Variants in CNOT4 observed in about 807,000 individuals in gnomAD.
CNOT4 encodes the protein CCR4-NOT transcription complex subunit 4, also known as CCR4-associated factor 4.
Under a neutral mutation model 73.8 loss-of-function variants are expected in CNOT4, and 8 were observed. The ratio of observed to expected loss-of-function variants is 0.11; its 90% CI spans 0.06 to 0.20. The LOEUF (loss-of-function observed/expected upper bound fraction) is 0.20, where lower values mean the gene tolerates loss of function less well. Ranked by LOEUF, CNOT4 falls within the 10% of genes least tolerant of loss-of-function variation. The pLI is 1.00. For synonymous variants in CNOT4, 293 were observed against 321.1 expected, an observed-to-expected ratio of 0.91 and a Z score of 0.94; for missense variants, 564 against 883.4, an observed-to-expected ratio of 0.64 and a Z score of 4.58.
At chr7:135,458,724 T>C (rs1238730145) in intron 1 of CNOT4, among the ~76,000 whole-genome samples, 4 of 152,134 alleles carry the variant, frequency 2.6e-5, no homozygotes, top group Non-Finnish European at 5.9e-5. Context: ...TCCTTATCTG[T>C]TCAAATTGTA....
intron 1 of CNOT4, among the ~76,000 whole-genome samples, chr7:135,483,330 T>A (rs551961060): frequency 6.7e-6 from 1 of 150,370 alleles, no homozygotes; most frequent in South Asian, 2.1e-4. Context: ...AGTTTAAGAC[T>A]TTGTCTCAAA....
intron 1 of CNOT4, among the ~76,000 whole-genome samples, chr7:135,454,877 G>A (rs570286092): frequency 6.6e-6 from 1 of 152,056 alleles, no homozygotes; most frequent in South Asian, 2.1e-4. Flanking sequence ...GAGTGACAGC[G>A]TCTCAAAATA....
chr7:135,398,324 A>C, intron 7 of CNOT4, 98 bp from the exon 8 acceptor site: 1 of 679,032 alleles, frequency 1.5e-6, no homozygotes, highest in South Asian at 1.7e-5. Flanking sequence ...ACACTTTACC[A>C]TCTTAACAAA....
intron 1 of CNOT4, chr7:135,444,501 C>T (rs1799695321): frequency 3.1e-5 from 28 of 895,222 alleles, no homozygotes; most frequent in Non-Finnish European, 3.6e-5. Context: ...CCAAGGAGGT[C>T]GAGCTCTGTT....
At position 135,363,999 on chromosome 7, in the gene CNOT4, G is replaced by A. The variant is rs1447420604; in HGVS notation, c.1695C>T (p.Pro565=). The change falls in exon 11 of 12, where the codon CCC becomes CCT. Residue 565 remains proline, a synonymous_variant. Transcript: ENST00000541284. This position sits in a 1 kb window ranked among gnomAD's most constrained non-coding sequence, Gnocchi z 4.3. ...EWQDGLRALL[P]NININFGGLP... ...GTCCACCAAAGTTGATGTTAATGTT[G>A]GGTAGAAGTGCCCTTAGCCCGTCCT... The A allele has an allele frequency of 6.3e-7, 1 of 1,598,170 alleles. No homozygotes were observed. Among genetic ancestry groups the A allele is most frequent in the Non-Finnish European group, 8.5e-7 (1 of 1,179,732 alleles).
chr7:135,457,350 AG>A (rs1165712882), intron 1 of CNOT4, among the ~76,000 whole-genome samples: 1 of 151,976 alleles, frequency 6.6e-6, no homozygotes, highest in African/African-American at 2.4e-5. Flanking sequence ...ATGTTATTTG[AG>A]GTTTAATTTT....
intron 1 of CNOT4, among the ~76,000 whole-genome samples, chr7:135,466,931 T>C (rs1345091750): frequency 6.6e-6 from 1 of 152,192 alleles, no homozygotes; most frequent in East Asian, 1.9e-4. Context: ...TCCATGACAT[T>C]CACACAACAA....
chr7:135,365,041 T>A (rs1326583475), intron 10 of CNOT4, among the ~76,000 whole-genome samples: 2 of 152,238 alleles, frequency 1.3e-5, no homozygotes, highest in African/African-American at 4.8e-5. Flanking sequence ...ATATTTCTGA[T>A]TCTACAGAAC....
chr7:135,422,630 T>C (rs1421459586), intron 2 of CNOT4, among the ~76,000 whole-genome samples: 1 of 152,176 alleles, frequency 6.6e-6, no homozygotes, highest in South Asian at 2.1e-4. Flanking sequence ...ATCTTGATAT[T>C]CCCTGCAGTG....
At chr7:135,497,752 C>G (rs1803680637) in intron 1 of CNOT4, among the ~76,000 whole-genome samples, 1 of 152,184 alleles carries the variant, frequency 6.6e-6, no homozygotes, top group Admixed American at 6.5e-5. Flanking sequence ...CATACAGGTT[C>G]ATTTTCCATT....
intron 5 of CNOT4, among the ~76,000 whole-genome samples, 200 bp from the exon 6 acceptor site, chr7:135,413,813 AG>A (rs1797705742): frequency 6.6e-6 from 1 of 152,088 alleles, no homozygotes; most frequent in South Asian, 2.1e-4. Flanking sequence ...GAAGAACTAA[AG>A]GAAACATCTG....
chr7:135,388,181 A>C (rs996838457), intron 10 of CNOT4: 4 of 985,222 alleles, frequency 4.1e-6, no homozygotes, highest in Non-Finnish European at 4.8e-6. Context: ...CATAATTAAC[A>C]ACCATTCAAA....
intron 1 of CNOT4, among the ~76,000 whole-genome samples, chr7:135,440,912 CAA>C (rs77371734): frequency 3.8e-5 from 4 of 104,976 alleles, no homozygotes; most frequent in Admixed American, 1.0e-4. Context: ...GACTCCGTCT[CAA>C]AAAAAAAAAA....
chr7:135,407,865 C>A (rs1585598123), intron 7 of CNOT4, among the ~76,000 whole-genome samples: 1 of 152,172 alleles, frequency 6.6e-6, no homozygotes, highest in Non-Finnish European at 1.5e-5. Context: ...TACTGATTTA[C>A]AAATTCAATG....
At chr7:135,426,460 G>A (rs933417536) in intron 2 of CNOT4, among the ~76,000 whole-genome samples, 13 of 151,966 alleles carry the variant, frequency 8.6e-5, no homozygotes, top group African/African-American at 2.2e-4. Context: ...AAAATTAGCC[G>A]GGTGTGGTGG....
intron 1 of CNOT4, among the ~76,000 whole-genome samples, chr7:135,490,849 G>A (rs1803063175): frequency 1.3e-5 from 2 of 152,212 alleles, no homozygotes; most frequent in South Asian, 4.1e-4. Flanking sequence ...AGAGGGCAAG[G>A]GTAGAAGCAG....
chr7:135,400,677 G>A (rs1796960353), intron 7 of CNOT4, among the ~76,000 whole-genome samples: 1 of 152,080 alleles, frequency 6.6e-6, no homozygotes, highest in African/African-American at 2.4e-5. Context: ...CCATCCAACT[G>A]CAATTTCCTA....
Position 135,482,482 on chromosome 7 carries a change from G to C in CNOT4, c.-93+27407C>G, listed in dbSNP as rs115570469. ...AAAGTGAAAGGATCGCTTGGACCTGGGAGGTGGAGCAATGAGCTGTGATCA... is the reference window on the plus strand; with the variant it reads ...AAAGTGAAAGGATCGCTTGGACCTGCGAGGTGGAGCAATGAGCTGTGATCA... On this transcript the variant is annotated intron_variant, in intron 1 of 11. Coordinates refer to ENST00000541284, the MANE Select transcript of CNOT4 (RefSeq NM_001190850.2). Among the ~76,000 whole-genome samples, 1,492 of 152,120 alleles carry C rather than the reference G, an allele frequency of 9.8e-3. 25 individuals are homozygous for C. Among genetic ancestry groups the C allele is most frequent in the African/African-American group, 0.034 (1,426 of 41,478 alleles).
At chr7:135,440,415 G>A (rs1478722988) in intron 1 of CNOT4, among the ~76,000 whole-genome samples, 8 of 151,514 alleles carry the variant, frequency 5.3e-5, no homozygotes, top group South Asian at 2.1e-4. Context: ...ATGATCTAGC[G>A]CCTCTTTCAA....
Sources: allele counts gnomAD v4.1 joint callset (sites outside exome capture counted in the v4.1 genomes callset), GRCh38; gene constraint gnomAD v4.1.1; non-coding constraint Gnocchi (gnomAD v3.1); transcripts MANE v1.5; gene names NCBI Gene and HGNC (gene_info 2026-07-23, HGNC 2026-07-21).